Variants in MMP26 observed in about 807,000 individuals in gnomAD.
MMP26 encodes the protein matrix metallopeptidase 26.
A neutral mutation model predicts 31.0 loss-of-function variants in MMP26; 33 were observed. That is an observed-to-expected ratio of 1.06 (90% CI 0.81 to 1.42). MMP26 has a LOEUF of 1.42. MMP26 is among the 40% of genes most tolerant of loss of function. The pLI is 0.00. For missense variants in MMP26, 347 were observed against 316.1 expected (o/e 1.10, Z -0.74); for synonymous variants, 122 against 114.9 (o/e 1.06, Z -0.40).
At chr11:4,711,162 A>G (rs1847857715) in intron 1 of MMP26, 1 of 152,210 alleles carries the variant, frequency 6.6e-6, no homozygotes, top group African/African-American at 2.4e-5. Flanking sequence ...TATACATTGC[A>G]ATGAACATGT....
chr11:4,801,955 C>T (rs1308172665), intron 2 of MMP26, among the ~76,000 whole-genome samples: 2 of 152,158 alleles, frequency 1.3e-5, no homozygotes, highest in East Asian at 3.9e-4. Context: ...CCAATCCCTC[C>T]CACTAGGCCC....
intron 2 of MMP26, among the ~76,000 whole-genome samples, chr11:4,829,128 G>T (rs368869864): frequency 6.6e-6 from 1 of 152,132 alleles, no homozygotes; most frequent in South Asian, 2.1e-4. Flanking sequence ...CTACTGGCAT[G>T]ATCTTGCAGT....
At chr11:4,906,994 G>A (rs1289257555) in intron 2 of MMP26, among the ~76,000 whole-genome samples, 2 of 149,922 alleles carry the variant, frequency 1.3e-5, no homozygotes, top group African/African-American at 2.4e-5. Context: ...TACTTGGGAG[G>A]CTGAGGCAGG....
intron 2 of MMP26, among the ~76,000 whole-genome samples, chr11:4,853,722 A>C (rs2133502479): frequency 6.6e-6 from 1 of 152,312 alleles, no homozygotes; most frequent in East Asian, 1.9e-4. Flanking sequence ...TTAAAAGAAG[A>C]AATAATAACT....
chr11:4,730,460 A>G (rs1264963627), intron 1 of MMP26, among the ~76,000 whole-genome samples: 2 of 150,522 alleles, frequency 1.3e-5, no homozygotes, highest in African/African-American at 2.5e-5. Flanking sequence ...ATAGGTGACT[A>G]CTGCATACTC....
chr11:4,858,164 A>G (rs562117348), intron 2 of MMP26, among the ~76,000 whole-genome samples: 5 of 152,286 alleles, frequency 3.3e-5, no homozygotes, highest in Admixed American at 2.6e-4. Context: ...GAAAACTGGC[A>G]CAAGACAGGG....
intron 2 of MMP26, among the ~76,000 whole-genome samples, chr11:4,770,432 T>C (rs1172438001): frequency 6.6e-6 from 1 of 152,160 alleles, no homozygotes; most frequent in African/African-American, 2.4e-5. Flanking sequence ...TCCAACACTA[T>C]AGGTAAACAA....
At chr11:4,762,588 C>T (rs367820056) in intron 1 of MMP26, among the ~76,000 whole-genome samples, 2 of 152,124 alleles carry the variant, frequency 1.3e-5, no homozygotes, top group African/African-American at 4.8e-5. Flanking sequence ...AGAAAATAAG[C>T]TGTAATTATT....
intron 2 of MMP26, chr11:4,915,334 G>A: frequency 6.2e-7 from 1 of 1,614,016 alleles, no homozygotes. Context: ...AGGAGAAGCA[G>A]TGAATGAAAA....
At chr11:4,868,323 C>A (rs541467819) in intron 2 of MMP26, among the ~76,000 whole-genome samples, 2 of 152,202 alleles carry the variant, frequency 1.3e-5, no homozygotes, top group South Asian at 4.2e-4. Flanking sequence ...AAAACCCCAT[C>A]GTCTCAGCTC....
chr11:4,735,867 G>A (rs981659060), intron 1 of MMP26, among the ~76,000 whole-genome samples: 27 of 151,952 alleles, frequency 1.8e-4, no homozygotes, highest in East Asian at 1.9e-4. Context: ...ATATAATTTC[G>A]GAGGTTTGGT....
chr11:4,944,005 A>T (rs1846256622), intron 2 of MMP26: 1 of 421,064 alleles, frequency 2.4e-6, no homozygotes, highest in South Asian at 1.7e-5. Flanking sequence ...TGGGCTGCCT[A>T]TCCGCACACT....
intron 2 of MMP26, among the ~76,000 whole-genome samples, chr11:4,953,083 T>C (rs1338925541): frequency 8.0e-6 from 1 of 125,396 alleles, no homozygotes; most frequent in Admixed American, 8.8e-5. Context: ...AGTTGGACTA[T>C]TTTTCAGCCA....
At chr11:4,848,248 C>A (rs948251798) in intron 2 of MMP26, 3 of 1,604,788 alleles carry the variant, frequency 1.9e-6, no homozygotes, top group African/African-American at 2.7e-5. Flanking sequence ...CACTGAGCAC[C>A]ACCCACCTTC....
intron 2 of MMP26, chr11:4,942,926 G>A (rs1490445330): frequency 6.6e-6 from 1 of 152,116 alleles, no homozygotes; most frequent in Non-Finnish European, 1.5e-5. Context: ...TTTTTTCATG[G>A]CATTGAAAAT....
At chr11:4,884,516 C>T (rs192360469) in intron 2 of MMP26, among the ~76,000 whole-genome samples, 6 of 152,060 alleles carry the variant, frequency 3.9e-5, no homozygotes, top group African/African-American at 4.8e-5. Context: ...AGACATCTGA[C>T]GCCATACAAT....
chr11:4,835,171 T>TCC (rs151058013), intron 2 of MMP26, among the ~76,000 whole-genome samples: 5 of 142,770 alleles, frequency 3.5e-5, no homozygotes, highest in African/African-American at 1.4e-4. Flanking sequence ...AATATCTCCC[T>TCC]CCCCCCTCTC....
chr11:4,756,997 GT>G (rs1848512699), intron 1 of MMP26, among the ~76,000 whole-genome samples: 1 of 151,710 alleles, frequency 6.6e-6, no homozygotes, highest in African/African-American at 2.4e-5. Context: ...TTTTTTTTCT[GT>G]AAAAACTGAC....
intron 2 of MMP26, among the ~76,000 whole-genome samples, chr11:4,981,092 A>T (rs1463420389): frequency 6.6e-6 from 1 of 152,116 alleles, no homozygotes; most frequent in East Asian, 1.9e-4. Flanking sequence ...AATTTAAACA[A>T]CTCAAAATTG....
Sources: allele counts gnomAD v4.1 joint callset (sites outside exome capture counted in the v4.1 genomes callset), GRCh38; gene constraint gnomAD v4.1.1; transcripts MANE v1.5; gene names NCBI Gene and HGNC (gene_info 2026-07-23, HGNC 2026-07-21).